Variants in SMC2 observed in about 807,000 individuals in gnomAD.
SMC2 encodes the protein structural maintenance of chromosomes protein 2.
A neutral mutation model predicts 142.6 loss-of-function variants in SMC2; 41 were observed. That is an observed-to-expected ratio of 0.29 (90% CI 0.22 to 0.37). SMC2 has a LOEUF of 0.37. SMC2 is among the 10% of genes least tolerant of loss of function. SMC2 has a pLI of 1.00. For missense variants in SMC2, 1,265 were observed against 1,373.7 expected (o/e 0.92, Z 1.25); for synonymous variants, 463 against 457.5 (o/e 1.01, Z -0.15).
At chr9:104,099,429 ATCATT>A (rs60691589) in intron 4 of SMC2, among the ~76,000 whole-genome samples, 2,965 of 152,174 alleles carry the variant, frequency 0.019, 105 homozygotes, top group African/African-American at 0.068. Context: ...TTTCATTTGT[ATCATT>A]TCATAACTTC....
At chr9:104,107,640 TTTC>T (rs1360338734) in intron 9 of SMC2, among the ~76,000 whole-genome samples, 10 of 152,196 alleles carry the variant, frequency 6.6e-5, no homozygotes, top group African/African-American at 2.4e-4. Flanking sequence ...GGGGCTTCTT[TTTC>T]ATTAGTAAGT....
intron 21 of SMC2, 91 bp from the exon 22 acceptor site, chr9:104,131,918 A>C (rs921206713): frequency 4.3e-6 from 3 of 696,012 alleles, no homozygotes; most frequent in Non-Finnish European, 7.5e-6. Flanking sequence ...ATTGTATATA[A>C]AAATAATGAA....
chr9:104,133,104 A>G (rs1211263966), intron 22 of SMC2, among the ~76,000 whole-genome samples: 4 of 152,136 alleles, frequency 2.6e-5, no homozygotes, highest in Admixed American at 1.3e-4. Context: ...AAAGTGACAA[A>G]GCCAGAGTAT....
chr9:104,111,063 C>CT (rs1832384488), intron 9 of SMC2, among the ~76,000 whole-genome samples: 1 of 152,110 alleles, frequency 6.6e-6, no homozygotes, highest in African/African-American at 2.4e-5. Context: ...GCTAGATTTT[C>CT]TTTTTTCAGG....
Position 104,100,400 on chromosome 9 carries a change from A to G in SMC2, c.603A>G (p.Glu201=), listed in dbSNP as rs778063594. 6.6e-6 allele frequency: 10 copies of G among 1,517,888 alleles called. No individual in the cohort carries two copies. In the African/African-American group the frequency reaches 1.4e-4, roughly 21 times the overall value. The allele number at this position is 1,517,888 out of a possible 1,614,324, so 94.0% of individuals were successfully genotyped here. Residue 201 remains glutamate, a synonymous_variant, in exon 7 of 25, where the codon GAA becomes GAG. Coordinates refer to ENST00000374793, the MANE Select transcript of SMC2 (RefSeq NM_006444.3). ...TCTTTATTTTCCAGATACTTGAAGA[A>G]GAGATTACTCCAACCATTCAAAAAT... is the stretch of plus-strand genomic sequence containing the variant. ...KLKEIKTILE[E]EITPTIQKLK... is the part of the protein sequence containing the mutation.
intron 23 of SMC2, among the ~76,000 whole-genome samples, chr9:104,137,248 A>G (rs542157625): frequency 1.3e-4 from 20 of 152,188 alleles, no homozygotes; most frequent in Admixed American, 2.0e-4. Flanking sequence ...TGCTACTCTA[A>G]TTTTTAGTCT....
chr9:104,111,095 A>G (rs1319186473), intron 9 of SMC2, among the ~76,000 whole-genome samples: 1 of 152,182 alleles, frequency 6.6e-6, no homozygotes, highest in East Asian at 1.9e-4. Context: ...GCATAGTGTC[A>G]GCTATCTGGT....
At chr9:104,134,393 CT>C (rs748748615) in intron 22 of SMC2, 21 bp from the exon 23 acceptor site, 14 of 1,556,042 alleles carry the variant, frequency 9.0e-6, no homozygotes, top group Middle Eastern at 1.8e-4. Context: ...GATGTTTTAA[CT>C]TTTTTATTTT....
In SMC2 at chr9:104,129,750, G is replaced by C. The variant is rs759303126; in HGVS notation, c.2896G>C (p.Gly966Arg). 1.2e-6 allele frequency: 2 copies of C among 1,613,814 alleles called. No individual in the cohort carries two copies. Among genetic ancestry groups the C allele is most frequent in the Non-Finnish European group, 1.7e-6 (2 of 1,179,846 alleles). The change falls in exon 21 of 25, where the codon GGT (glycine) becomes CGT (arginine). Residue 966 changes from glycine to arginine, a missense_variant. Physicochemically the swap from Gly to Arg is moderately radical, Grantham distance 125. Transcript: ENST00000374793. ...DFKTNNPKEA[G>R]QRLQKLQEMK... ...CAAAACTAACAACCCTAAAGAAGCT[G>C]GTCAGAGACTTCAGAAGTTGCAAGA...
At position 104,102,090 on chromosome 9, in the gene SMC2, T is replaced by C. The variant is rs1383972635; in HGVS notation, c.767T>C (p.Met256Thr). 6.2e-7 allele frequency: 1 copy of C among 1,607,956 alleles called. No homozygotes were observed. Among genetic ancestry groups the C allele is most frequent in the Admixed American group, 1.7e-5 (1 of 59,934 alleles). Residue 256 changes from methionine (M) to threonine (T), a missense_variant, in exon 8 of 25, where the codon ATG (methionine) becomes ACG (threonine). Physicochemically the swap from Met to Thr is moderately conservative, Grantham distance 81 (BLOSUM62 -1). Coordinates refer to ENST00000374793, the MANE Select transcript of SMC2 (RefSeq NM_006444.3). ...CGCTCAGCTGAGGAATTAAAAGAAA[T>C]GCAAGATAAAGTTATAAAGCTTCAG... ...KVRSAEELKE[M>T]QDKVIKLQEE...
chr9:104,101,921 C>A, intron 7 of SMC2, 39 bp from the exon 8 acceptor site: 2 of 1,268,332 alleles, frequency 1.6e-6, no homozygotes, highest in Non-Finnish European at 1.1e-6. Context: ...TTTTTTAATA[C>A]AATTTTGAGT....
intron 17 of SMC2, among the ~76,000 whole-genome samples, chr9:104,124,047 C>G (rs574134385): frequency 1.4e-4 from 21 of 152,158 alleles, no homozygotes; most frequent in Non-Finnish European, 2.6e-4. Context: ...CTAACACTCA[C>G]AATATACATC....
rs1472221980 is a variant in SMC2 at position 104,096,154 on chromosome 9, G to C, written c.175G>C (p.Ala59Pro). Residue 59 changes from alanine to proline, a missense_variant, in exon 3 of 25, where the codon GCT (alanine) becomes CCT (proline). By Grantham distance (27) the Ala-to-Pro change is conservative. Around this residue, in one of 4 missense-constraint regions of SMC2, gnomAD observed 168 missense variants for 184.8 expected, o/e 0.91. Coordinates refer to ENST00000374793, the MANE Select transcript of SMC2 (RefSeq NM_006444.3). ...LGISNLSQVRASNLQDLVYKN... is the reference protein window; with the variant it reads ...LGISNLSQVRPSNLQDLVYKN... ...TTTTCATATTTTATTTTAGGTTCGGGCTTCTAATTTACAAGATTTAGTTTA... is the reference window on the plus strand; with the variant it reads ...TTTTCATATTTTATTTTAGGTTCGGCCTTCTAATTTACAAGATTTAGTTTA... 1 of 1,612,262 alleles carries C rather than the reference G, an allele frequency of 6.2e-7. No homozygotes were observed.
chr9:104,114,215 G>T, intron 12 of SMC2, 134 bp downstream of exon 12: 2 of 523,924 alleles, frequency 3.8e-6, no homozygotes, highest in South Asian at 3.3e-5. Flanking sequence ...TTCTTTCATT[G>T]GTATTTTTCC....
upstream of SMC2, among the ~76,000 whole-genome samples, chr9:104,091,311 G>C (rs1020958824): frequency 4.6e-5 from 7 of 152,142 alleles, no homozygotes; most frequent in Non-Finnish European, 7.3e-5. Context: ...GAATAATGTA[G>C]GTAACTATAA....
intron 13 of SMC2, among the ~76,000 whole-genome samples, chr9:104,115,335 G>A (rs1192102549): frequency 6.6e-6 from 1 of 151,702 alleles, no homozygotes; most frequent in East Asian, 1.9e-4. Flanking sequence ...AGCACTTTGG[G>A]AGGCTGAGGT....
At chr9:104,133,954 A>T (rs1221045448) in intron 22 of SMC2, among the ~76,000 whole-genome samples, 1 of 152,034 alleles carries the variant, frequency 6.6e-6, no homozygotes, top group Non-Finnish European at 1.5e-5. Context: ...AGAGGATAAC[A>T]TTTTATTCCA....
At chr9:104,132,571 A>C (rs893777395) in intron 22 of SMC2, among the ~76,000 whole-genome samples, 10 of 152,202 alleles carry the variant, frequency 6.6e-5, no homozygotes, top group African/African-American at 2.2e-4. Flanking sequence ...TTCCAAACAT[A>C]GAGTTACTGT....
chr9:104,114,167 A>C (rs3739738), intron 12 of SMC2, 86 bp downstream of exon 12: 16,144 of 761,970 alleles, frequency 0.021, 937 homozygotes, highest in African/African-American at 0.18. Context: ...ATTTTGTCGA[A>C]ACCAAGATTT....
Sources: gnomAD v4.1 joint callset for allele counts (sites outside exome capture counted in the v4.1 genomes callset) on GRCh38, gnomAD v4.1.1 for gene constraint, gnomAD v4.1.1 regional missense constraint, MANE v1.5 for transcripts, NCBI Gene and HGNC (gene_info 2026-07-23, HGNC 2026-07-21) for gene names.